The following NKAIN2 variants were observed in gnomAD, a reference collection of about 807,000 sequenced individuals.
NKAIN2 encodes sodium/potassium-transporting ATPase subunit beta-1-interacting protein 2.
Under a neutral mutation model 32.6 loss-of-function variants are expected in NKAIN2, and 14 were observed. The observed-to-expected ratio is 0.43, with a 90% confidence interval of 0.28 to 0.67. The LOEUF (loss-of-function observed/expected upper bound fraction) is 0.67, where lower values mean the gene tolerates loss of function less well. Among genes scored for constraint, NKAIN2 ranks in the 30% least tolerant of loss-of-function variants. The pLI is 0.17. For missense variants in NKAIN2, 198 were observed against 258.3 expected (o/e 0.77, Z 1.60); for synonymous variants, 80 against 87.2 (o/e 0.92, Z 0.46).
intron 1 of NKAIN2, among the ~76,000 whole-genome samples, chr6:124,064,543 A>G (rs1340388618): frequency 6.6e-6 from 1 of 152,076 alleles, no homozygotes; most frequent in African/African-American, 2.4e-5. Flanking sequence ...TAAAACTAGA[A>G]AACAAAATCT....
In NKAIN2 at chr6:124,648,568, T is replaced by G. The variant is rs372216798; in HGVS notation, c.274-9618T>G. Among the ~76,000 whole-genome samples, 18 of 152,170 alleles carry G rather than the reference T, an allele frequency of 1.2e-4. 1 individual carries two copies. The East Asian group carries it at 1.9e-3, about 16-fold the overall frequency. On this transcript the variant is annotated intron_variant, in intron 3 of 6. Transcript: ENST00000368417. ...TCAACATGCAAGAGAACTGATGATATTGGGTGGAGGCCTACATTAAATTAT... is the reference window on the plus strand; with the variant it reads ...TCAACATGCAAGAGAACTGATGATAGTGGGTGGAGGCCTACATTAAATTAT...
chr6:124,204,941 A>T (rs190140072), intron 1 of NKAIN2, among the ~76,000 whole-genome samples: 247 of 151,338 alleles, frequency 1.6e-3, no homozygotes, highest in Non-Finnish European at 3.0e-3. Flanking sequence ...ATATTTATTC[A>T]TATCAAGAAC....
At chr6:123,962,247 C>T (rs529120166) in intron 1 of NKAIN2, among the ~76,000 whole-genome samples, 160 of 152,244 alleles carry the variant, frequency 1.1e-3, no homozygotes, top group South Asian at 3.7e-3. Context: ...TTGAAACATA[C>T]GTTGGTCTAA....
chr6:123,833,691 C>CTGTGTGTGTGTGTGTG (rs59906355), intron 1 of NKAIN2, among the ~76,000 whole-genome samples: 9 of 129,568 alleles, frequency 6.9e-5, no homozygotes, highest in African/African-American at 2.7e-4. Flanking sequence ...ATTTTTTTTC[C>CTGTGTGTGTGTGTGTG]TGTGTGTGTG....
intron 3 of NKAIN2, among the ~76,000 whole-genome samples, chr6:124,482,832 ATACTC>A (rs1340118415): frequency 2.0e-5 from 3 of 152,218 alleles, no homozygotes; most frequent in African/African-American, 4.8e-5. Context: ...GTGATCAACT[ATACTC>A]TATAAGAAAT....
intron 3 of NKAIN2, among the ~76,000 whole-genome samples, chr6:124,435,365 A>G (rs1475060054): frequency 6.6e-6 from 1 of 152,156 alleles, no homozygotes; most frequent in Non-Finnish European, 1.5e-5. Context: ...GTTTCCATAA[A>G]AAACAAGAAA....
At chr6:124,635,447 A>G (rs1783739354) in intron 3 of NKAIN2, among the ~76,000 whole-genome samples, 1 of 151,984 alleles carries the variant, frequency 6.6e-6, no homozygotes, top group South Asian at 2.1e-4. Flanking sequence ...CAATTAATAA[A>G]TGATGGGAGT....
At chr6:124,090,352 A>G (rs1465599486) in intron 1 of NKAIN2, among the ~76,000 whole-genome samples, 1 of 152,056 alleles carries the variant, frequency 6.6e-6, no homozygotes, top group African/African-American at 2.4e-5. Context: ...ATTAAATTCT[A>G]GCTGCAAAAA....
At chr6:124,048,541 A>G (rs1782251626) in intron 1 of NKAIN2, among the ~76,000 whole-genome samples, 1 of 152,078 alleles carries the variant, frequency 6.6e-6, no homozygotes, top group Admixed American at 6.6e-5. Flanking sequence ...CTGTTGAAAT[A>G]GTATCAGTAA....
chr6:123,827,550 A>G (rs921994802), intron 1 of NKAIN2, among the ~76,000 whole-genome samples: 1 of 152,172 alleles, frequency 6.6e-6, no homozygotes, highest in Non-Finnish European at 1.5e-5. Context: ...ATATATATGT[A>G]TTATTACTTC....
intron 1 of NKAIN2, among the ~76,000 whole-genome samples, chr6:123,973,511 T>C (rs763269889): frequency 6.6e-6 from 1 of 152,076 alleles, no homozygotes; most frequent in Non-Finnish European, 1.5e-5. Context: ...AGGTTACCTG[T>C]TAACCAATGG....
chr6:123,856,648 A>G (rs1775565288), intron 1 of NKAIN2, among the ~76,000 whole-genome samples: 1 of 152,222 alleles, frequency 6.6e-6, no homozygotes, highest in African/African-American at 2.4e-5. Context: ...ATTGGAAGAA[A>G]TGAAGTGTTT....
chr6:124,274,899 C>G (rs949439856), intron 1 of NKAIN2, among the ~76,000 whole-genome samples: 1 of 152,086 alleles, frequency 6.6e-6, no homozygotes, highest in Non-Finnish European at 1.5e-5. Context: ...TACACACACA[C>G]TCACATACAC....
intron 4 of NKAIN2, among the ~76,000 whole-genome samples, chr6:124,763,041 A>G (rs971404521): frequency 8.5e-5 from 13 of 152,342 alleles, no homozygotes; most frequent in African/African-American, 2.4e-4. Flanking sequence ...TAAGTGCAAT[A>G]GGCCAGGCAC....
chr6:123,851,244 A>ATTTTTTTTTT (rs59287833), intron 1 of NKAIN2, among the ~76,000 whole-genome samples: 10 of 88,190 alleles, frequency 1.1e-4, no homozygotes, highest in Non-Finnish European at 1.4e-4. Context: ...TGGTGGTTCT[A>ATTTTTTTTTT]TTTTTTTTTT....
chr6:124,064,831 C>G (rs1783090685), intron 1 of NKAIN2, among the ~76,000 whole-genome samples: 1 of 152,058 alleles, frequency 6.6e-6, no homozygotes, highest in African/African-American at 2.4e-5. Flanking sequence ...TCTGCTACCT[C>G]TCTTTCAGGT....
At chr6:124,546,884 C>T (rs1780113861) in intron 3 of NKAIN2, among the ~76,000 whole-genome samples, 1 of 152,106 alleles carries the variant, frequency 6.6e-6, no homozygotes, top group Non-Finnish European at 1.5e-5. Context: ...AAGCAGATGG[C>T]CCATTACAAA....
intron 1 of NKAIN2, among the ~76,000 whole-genome samples, chr6:123,890,661 A>G (rs1773962802): frequency 6.6e-6 from 1 of 152,164 alleles, no homozygotes; most frequent in Non-Finnish European, 1.5e-5. Flanking sequence ...AAAACAAAAA[A>G]TACAGCAAAC....
chr6:124,497,339 CAT>C (rs1366923625), intron 3 of NKAIN2, among the ~76,000 whole-genome samples: 1 of 152,130 alleles, frequency 6.6e-6, no homozygotes, highest in Non-Finnish European at 1.5e-5. Context: ...GGCTAGCCAT[CAT>C]ATTTAATTTT....
Sources: allele counts gnomAD v4.1 joint callset (sites outside exome capture counted in the v4.1 genomes callset), GRCh38; gene constraint gnomAD v4.1.1; transcripts MANE v1.5; gene names NCBI Gene and HGNC (gene_info 2026-07-23, HGNC 2026-07-21).